Variants in PTPRD observed in about 807,000 individuals in gnomAD.
PTPRD encodes the protein receptor-type tyrosine-protein phosphatase delta.
A neutral mutation model predicts 214.5 loss-of-function variants in PTPRD; 34 were observed. The ratio of observed to expected loss-of-function variants is 0.16; its 90% confidence interval spans 0.12 to 0.21. The LOEUF is 0.21. Ranked by LOEUF, PTPRD falls within the 10% of genes least tolerant of loss-of-function variation. The probability of loss-of-function intolerance (pLI) is 1.00; values close to 1 mark genes in which losing one functional copy is unlikely to be tolerated. For missense variants in PTPRD, 2,545 were observed against 2,398.7 expected (o/e 1.06, Z -1.27); for synonymous variants, 1,128 against 845.7 (o/e 1.33, Z -5.79).
intron 26 of PTPRD, among the ~76,000 whole-genome samples, chr9:8,495,754 G>T (rs138096190): frequency 6.6e-6 from 1 of 152,026 alleles, no homozygotes; most frequent in African/African-American, 2.4e-5. Context: ...AGAAGTTTAC[G>T]GTCAAAAATG....
chr9:8,620,394 T>C (rs2095782334), intron 14 of PTPRD, among the ~76,000 whole-genome samples: 1 of 152,082 alleles, frequency 6.6e-6, no homozygotes, highest in African/African-American at 2.4e-5. Context: ...AGTTCAGAAA[T>C]TCATTTGTTG....
intron 8 of PTPRD, among the ~76,000 whole-genome samples, chr9:9,418,369 G>A (rs924902257): frequency 6.6e-6 from 1 of 151,874 alleles, no homozygotes; most frequent in African/African-American, 2.4e-5. Flanking sequence ...AGAGAAAACC[G>A]ACATAACTCA....
At chr9:10,109,668 G>T (rs1461413913) in intron 3 of PTPRD, among the ~76,000 whole-genome samples, 1 of 152,112 alleles carries the variant, frequency 6.6e-6, no homozygotes, top group Non-Finnish European at 1.5e-5. Context: ...TGTGTTCACT[G>T]CTGTTATTGG....
intron 11 of PTPRD, among the ~76,000 whole-genome samples, chr9:8,821,424 AG>A (rs1406133999): frequency 6.6e-6 from 1 of 152,160 alleles, no homozygotes; most frequent in African/African-American, 2.4e-5. Flanking sequence ...TACAACCCCT[AG>A]GAATTCAAGG....
chr9:8,638,624 T>A (rs1019761615), intron 12 of PTPRD, among the ~76,000 whole-genome samples: 1 of 152,176 alleles, frequency 6.6e-6, no homozygotes, highest in South Asian at 2.1e-4. Flanking sequence ...TTTGCAATGC[T>A]GGTCCTGGAG....
intron 14 of PTPRD, among the ~76,000 whole-genome samples, chr9:8,546,039 C>T (rs542202908): frequency 6.6e-6 from 1 of 152,192 alleles, no homozygotes; most frequent in East Asian, 1.9e-4. Context: ...AGCCTTAACA[C>T]AGATCAGTGG....
intron 8 of PTPRD, among the ~76,000 whole-genome samples, chr9:9,499,817 G>T (rs1012120560): frequency 6.6e-6 from 1 of 151,942 alleles, no homozygotes; most frequent in Non-Finnish European, 1.5e-5. Context: ...TCCTTCATTT[G>T]ACACTGTCTC....
intron 9 of PTPRD, among the ~76,000 whole-genome samples, chr9:9,289,149 A>G (rs1950385477): frequency 6.6e-6 from 1 of 151,880 alleles, no homozygotes; most frequent in Non-Finnish European, 1.5e-5. Flanking sequence ...GAACACAAAT[A>G]CAAATGAAAT....
intron 3 of PTPRD, among the ~76,000 whole-genome samples, chr9:10,242,539 G>A (rs928759636): frequency 1.3e-5 from 2 of 151,696 alleles, no homozygotes; most frequent in African/African-American, 4.8e-5. Flanking sequence ...TGTGTACCAG[G>A]CTTTCTGCTA....
chr9:8,691,299 T>A (rs2097794747), intron 12 of PTPRD, among the ~76,000 whole-genome samples: 1 of 151,814 alleles, frequency 6.6e-6, no homozygotes. Context: ...GGTTTCTTCC[T>A]CTCCATCCTA....
chr9:10,574,812 G>T (rs1177956518), intron 2 of PTPRD, among the ~76,000 whole-genome samples: 1 of 53,630 alleles, frequency 1.9e-5, no homozygotes, highest in East Asian at 9.4e-4. Flanking sequence ...ATATGTGTGT[G>T]CATATATATA....
At chr9:8,652,274 C>G (rs901571404) in intron 12 of PTPRD, among the ~76,000 whole-genome samples, 2 of 152,040 alleles carry the variant, frequency 1.3e-5, no homozygotes, top group Non-Finnish European at 2.9e-5. Context: ...TTCCTTTTTT[C>G]TCTTTTTCCC....
intron 2 of PTPRD, among the ~76,000 whole-genome samples, chr9:10,380,327 C>T (rs1192460865): frequency 1.3e-5 from 2 of 151,988 alleles, no homozygotes; most frequent in Non-Finnish European, 2.9e-5. Flanking sequence ...TGAGAGCAAA[C>T]CATGTACAAT....
At chr9:9,117,311 CA>C (rs1019086848) in intron 10 of PTPRD, among the ~76,000 whole-genome samples, 2 of 148,438 alleles carry the variant, frequency 1.3e-5, no homozygotes, top group Non-Finnish European at 3.0e-5. Context: ...ATTTGTAAAA[CA>C]TAGCTCCATT....
chr9:8,560,971 A>G (rs1222032080), intron 14 of PTPRD, among the ~76,000 whole-genome samples: 1 of 151,930 alleles, frequency 6.6e-6, no homozygotes, highest in Non-Finnish European at 1.5e-5. Context: ...TGACAGTGAA[A>G]GGAGGCAGTC....
intron 9 of PTPRD, among the ~76,000 whole-genome samples, chr9:9,216,674 A>T (rs745612993): frequency 5.3e-5 from 8 of 152,134 alleles, no homozygotes; most frequent in Non-Finnish European, 1.0e-4. Context: ...TAGAAAGACC[A>T]AGCTTGGTAT....
chr9:9,782,427 T>C (rs192152557), intron 5 of PTPRD, among the ~76,000 whole-genome samples: 39 of 152,320 alleles, frequency 2.6e-4, no homozygotes, highest in African/African-American at 9.1e-4. Context: ...AGGAACACAT[T>C]TGCATCTTTA....
At chr9:8,978,385 A>C (rs2099280109) in intron 11 of PTPRD, among the ~76,000 whole-genome samples, 1 of 152,126 alleles carries the variant, frequency 6.6e-6, no homozygotes, top group East Asian at 1.9e-4. Flanking sequence ...GTACTTTGTA[A>C]AGCTTAGCCT....
chr9:10,364,791 GC>G (rs57113764), intron 2 of PTPRD, among the ~76,000 whole-genome samples: 10,229 of 152,094 alleles, frequency 0.067, 1,146 homozygotes, highest in African/African-American at 0.23. Flanking sequence ...GCTATAATAA[GC>G]TAATCTATTA....
Sources: allele counts gnomAD v4.1 joint callset (sites outside exome capture counted in the v4.1 genomes callset), GRCh38; gene constraint gnomAD v4.1.1; transcripts MANE v1.5; gene names NCBI Gene and HGNC (gene_info 2026-07-23, HGNC 2026-07-21).